Variants in CPNE7 observed in about 807,000 individuals in gnomAD.
CPNE7 encodes the protein copine 7, also known as copine-7.
A neutral mutation model predicts 66.5 loss-of-function variants in CPNE7; 78 were observed. That is an observed-to-expected ratio of 1.17 (90% CI 0.98 to 1.42). The LOEUF (loss-of-function observed/expected upper bound fraction) is 1.42. Ranked by LOEUF, CPNE7 falls within the 40% of genes most tolerant of loss-of-function variation. CPNE7 has a pLI of 0.00. For synonymous variants in CPNE7, 468 were observed against 336.7 expected (o/e 1.39, Z -4.27); for missense variants, 1,012 against 776.6 (o/e 1.30, Z -3.60).
At chr16:89,581,447 C>T (rs1465926072) in intron 2 of CPNE7, among the ~76,000 whole-genome samples, 2 of 152,216 alleles carry the variant, frequency 1.3e-5, no homozygotes, top group African/African-American at 4.8e-5. Flanking sequence ...ATTCCACGTC[C>T]ATGAATCACA....
In CPNE7 at chr16:89,596,604, C is replaced by T. The variant is rs1341949165; in HGVS notation, c.1660C>T (p.Pro554Ser). Reference sequence around the variant, plus strand: ...GGGTGTCCCTGCCGGAGAGGCCAGCCCAGGCTGCACACCGTGAAGATGTGG... The same window carrying T: ...GGGTGTCCCTGCCGGAGAGGCCAGCTCAGGCTGCACACCGTGAAGATGTGG... ...SLGVPAGEASPGCTP is the reference protein window; with the variant it reads ...SLGVPAGEASSGCTP Residue 554 changes from proline (P) to serine (S), a missense_variant, in exon 15 of 15, where the codon CCA (proline) becomes TCA (serine). By Grantham distance (74) the Pro-to-Ser change is moderately conservative (BLOSUM62 -1). Coordinates refer to ENST00000319518, the MANE Select transcript of CPNE7 (RefSeq NM_153636.3). 3 of 1,603,982 alleles carry T rather than the reference C, an allele frequency of 1.9e-6. No individual in the cohort carries two copies. Among genetic ancestry groups the T allele is most frequent in the South Asian group, 2.2e-5 (2 of 90,796 alleles).
intron 2 of CPNE7, among the ~76,000 whole-genome samples, chr16:89,582,577 C>G (rs959908210): frequency 1.3e-5 from 2 of 152,286 alleles, no homozygotes; most frequent in Admixed American, 6.5e-5. Flanking sequence ...CCGAGGCTCC[C>G]CCTCCCAGCA....
chr16:89,591,646 C>T (rs963825163), intron 13 of CPNE7, among the ~76,000 whole-genome samples: 30 of 152,300 alleles, frequency 2.0e-4, no homozygotes, highest in African/African-American at 6.7e-4. Flanking sequence ...ACTCTGCCAC[C>T]GTGTGGCCCT....
Position 89,584,226 on chromosome 16 carries a change from C to T in CPNE7, c.507+124C>T, listed in dbSNP as rs2059000808. On this transcript the variant is annotated intron_variant, in intron 4 of 14. Coordinates refer to ENST00000319518, the MANE Select transcript of CPNE7 (RefSeq NM_153636.3). The surrounding 1 kb of genome is among the most constrained non-coding windows in gnomAD (Gnocchi z 6.0). ...CCGTGTGAGACGTGTGCGGAGTGTG[C>T]CTGGGGCTGGGCGTGCTGCCGTCAC... 15 of 976,314 alleles carry T rather than the reference C, an allele frequency of 1.5e-5. 2 individuals carry two copies. The South Asian group carries it at 2.5e-4, about 16-fold the overall frequency. The allele number at this position is 976,314 out of a possible 1,614,324, so 60.5% of individuals were successfully genotyped here. A position where few individuals can be genotyped will look rare whatever the true frequency, so the allele number is the denominator to read the frequency against.
At position 89,584,721 on chromosome 16, in the gene CPNE7, C is replaced by G; in HGVS notation, c.508-53C>G. 3 of 1,403,046 alleles carry G rather than the reference C, an allele frequency of 2.1e-6. No individual in the cohort carries two copies. 86.9% of individuals were successfully genotyped at this position (1,403,046 alleles called of 1,614,324 possible). On this transcript the variant is annotated intron_variant, in intron 4 of 14. Transcript: ENST00000319518. The surrounding 1 kb of genome is among the most constrained non-coding windows in gnomAD (Gnocchi z 6.0). ...GGGAAACGACAAAGCCAGCTCCCAT[C>G]CAAAGCCCGATCTCACAGTGCCTGG...
rs2056227862 is a variant in CPNE7, at chr16:89,575,834, G to A, written c.-64G>A. The A allele has an allele frequency of 2.7e-6, 3 of 1,108,932 alleles. No homozygotes were observed. Among genetic ancestry groups the A allele is most frequent in the Non-Finnish European group, 3.3e-6 (3 of 904,558 alleles). 68.7% of individuals were successfully genotyped at this position (1,108,932 alleles called of 1,614,324 possible). A position where few individuals can be genotyped will look rare whatever the true frequency, so the allele number is the denominator to read the frequency against. On this transcript the variant is annotated 5_prime_UTR_variant, in exon 1 of 15. Coordinates refer to ENST00000319518, the MANE Select transcript of CPNE7 (RefSeq NM_153636.3). Reference sequence around the variant, plus strand: ...CGGCCACCATTTCCCGGGCGCCGCGGCGGCGCCGACTCGCGGGCAGCGGCC... The same window carrying A: ...CGGCCACCATTTCCCGGGCGCCGCGACGGCGCCGACTCGCGGGCAGCGGCC...
chr16:89,595,633 C>T (rs1421133579), intron 14 of CPNE7, 30 bp downstream of exon 14: 2 of 1,566,444 alleles, frequency 1.3e-6, no homozygotes, highest in Non-Finnish European at 1.7e-6. Flanking sequence ...TCCGTCAAGG[C>T]CGGCTTGGGG....
intron 9 of CPNE7, among the ~76,000 whole-genome samples, chr16:89,588,160 G>A (rs1168945224): frequency 1.2e-5 from 1 of 83,940 alleles, no homozygotes; most frequent in Non-Finnish European, 2.1e-5. Flanking sequence ...CACGGCCCCC[G>A]TGTCACCCGC....
intron 8 of CPNE7, 83 bp from the exon 9 acceptor site, chr16:89,586,960 C>G: frequency 1.4e-6 from 2 of 1,398,578 alleles, no homozygotes; most frequent in Non-Finnish European, 2.0e-6. Flanking sequence ...ACTGGGCTGC[C>G]TGCGGGAGGC....
chr16:89,591,916 G>A (rs142546994), intron 13 of CPNE7, among the ~76,000 whole-genome samples: 2,257 of 151,864 alleles, frequency 0.015, 53 homozygotes, highest in South Asian at 0.063. Flanking sequence ...GGCCAAGCTG[G>A]TCTCAAACTC....
intron 9 of CPNE7, chr16:89,587,666 CG>C: frequency 2.4e-6 from 1 of 424,330 alleles, no homozygotes; most frequent in South Asian, 1.6e-5. Flanking sequence ...CCATGTCACC[CG>C]CAGACCCCGC....
chr16:89,595,323 C>T (rs2059236467), intron 13 of CPNE7, 44 bp from the exon 14 acceptor site: 1 of 1,495,288 alleles, frequency 6.7e-7, no homozygotes, highest in Non-Finnish European at 9.1e-7. Context: ...CGCATGTGGG[C>T]CATGGCAGGT....
chr16:89,591,617 G>A lies in CPNE7; in HGVS notation c.1302+357G>A, dbSNP rs575375948. Among the ~76,000 whole-genome samples the A allele has an allele frequency of 6.6e-5, 10 of 152,298 alleles. No homozygotes were observed. In the East Asian group the frequency reaches 7.7e-4, roughly 12 times the overall value. ...TCCTTTGCACAAATGATACGGTGCC[G>A]AGAACTGCACTGGATTCTACTCTGC... On this transcript the variant is annotated intron_variant, in intron 13 of 14. Transcript: ENST00000319518.
chr16:89,583,022 C>T (rs1017911850), intron 2 of CPNE7, among the ~76,000 whole-genome samples: 4 of 152,208 alleles, frequency 2.6e-5, no homozygotes, highest in Admixed American at 1.3e-4. Flanking sequence ...GCCTGTCATC[C>T]GCCACCCACC....
chr16:89,592,183 T>TA (rs1356394917), intron 13 of CPNE7, among the ~76,000 whole-genome samples: 3 of 148,932 alleles, frequency 2.0e-5, no homozygotes, highest in Non-Finnish European at 4.5e-5. Flanking sequence ...TAATTTTTTT[T>TA]TTTTGTATTT....
chr16:89,579,150 G>T (rs954755338), intron 2 of CPNE7, among the ~76,000 whole-genome samples: 1 of 152,064 alleles, frequency 6.6e-6, no homozygotes, highest in Admixed American at 6.6e-5. Flanking sequence ...AAATTAGCCA[G>T]GCGTGGTGGT....
At chr16:89,589,836 T>G in intron 10 of CPNE7, 61 bp from the exon 11 acceptor site, 1 of 1,582,564 alleles carries the variant, frequency 6.3e-7, no homozygotes, top group Non-Finnish European at 8.7e-7. Context: ...TCCCTAGAAG[T>G]GGCCCCTGTT....
At chr16:89,585,092 G>C (rs1482116266) in intron 5 of CPNE7, among the ~76,000 whole-genome samples, 1 of 152,222 alleles carries the variant, frequency 6.6e-6, no homozygotes, top group African/African-American at 2.4e-5. Flanking sequence ...ATTATTTTTA[G>C]ACCTACCTTC....
In CPNE7 at chr16:89,578,937, C is replaced by A. The variant is rs9944362; in HGVS notation, c.357+1216C>A. 685 of 1,613,512 alleles carry A rather than the reference C, an allele frequency of 4.2e-4. 2 individuals are homozygous for A. In the African/African-American group the frequency reaches 8.2e-3, roughly 19 times the overall value. On this transcript the variant is annotated intron_variant, in intron 2 of 14. Coordinates refer to ENST00000319518, the MANE Select transcript of CPNE7 (RefSeq NM_153636.3). Reference sequence around the variant, plus strand: ...GCCCTGCTGGACACTGCGCTAAGCACTTCCTGTGCTGCACGGAATCCTCAC... The same window carrying A: ...GCCCTGCTGGACACTGCGCTAAGCAATTCCTGTGCTGCACGGAATCCTCAC...
Sources: allele counts gnomAD v4.1 joint callset (sites outside exome capture counted in the v4.1 genomes callset), GRCh38; gene constraint gnomAD v4.1.1; non-coding constraint Gnocchi (gnomAD v3.1); transcripts MANE v1.5; gene names NCBI Gene and HGNC (gene_info 2026-07-23, HGNC 2026-07-21).